The following HMMR variants were observed in gnomAD, a reference collection of about 807,000 sequenced individuals.
HMMR encodes the protein intracellular hyaluronic acid-binding protein.
In HMMR, 108 loss-of-function variants were observed where a neutral mutation model predicts 101.0. The ratio of observed to expected loss-of-function variants is 1.07; its 90% CI spans 0.92 to 1.25. The LOEUF is 1.25. HMMR is among the 50% of genes most tolerant of loss of function. The probability of loss-of-function intolerance (pLI) is 0.00; values close to 1 mark genes in which losing one functional copy is unlikely to be tolerated. For missense variants in HMMR, 813 were observed against 788.7 expected, an observed-to-expected ratio of 1.03 and a Z score of -0.37; for synonymous variants, 296 against 276.4, an observed-to-expected ratio of 1.07 and a Z score of -0.70.
chr5:163,485,083 A>G (rs1759429836), intron 16 of HMMR, among the ~76,000 whole-genome samples: 1 of 152,150 alleles, frequency 6.6e-6, no homozygotes, highest in Admixed American at 6.5e-5. Context: ...TTCATGTACA[A>G]GTTTTTGTAT....
At position 163,484,253 on chromosome 5, in the gene HMMR, A is replaced by G. The variant is rs1223113909; in HGVS notation, c.1962+8A>G. 6.6e-7 allele frequency: 1 copy of G among 1,521,148 alleles called. No homozygotes were observed. The highest frequency in any genetic ancestry group is 1.2e-5 in the South Asian group (1 of 84,334). The allele number at this position is 1,521,148 out of a possible 1,614,324, so 94.2% of individuals were successfully genotyped here. A position where few individuals can be genotyped will look rare whatever the true frequency, so the allele number is the denominator to read the frequency against. ...AATAGCCAACTCAAATCGGTTTGTA[A>G]AATGACTTTTCATTTTATTAAAGAT... On this transcript the variant is annotated splice_region_variant and intron_variant, in intron 16 of 17. Transcript: ENST00000393915.
Position 163,491,162 on chromosome 5 carries a change from T to C in HMMR, c.2176T>C (p.Ter726GlnextTer29), listed in dbSNP as rs1245334694. Reference sequence around the variant, plus strand: ...TATGGAGTGTCAAGAATCATGGAAGTAAACATCTGAGAAACCTGTTGAAGA... The same window carrying C: ...TATGGAGTGTCAAGAATCATGGAAGCAAACATCTGAGAAACCTGTTGAAGA... ...APMECQESWK[*>Q] Residue 726 changes from the stop codon to glutamine (Q), a stop_lost, in exon 18 of 18, where the codon TAA (stop) becomes CAA (glutamine). Transcript: ENST00000393915. 6.5e-7 allele frequency: 1 copy of C among 1,535,716 alleles called. No individual in the cohort carries two copies. The highest frequency in any genetic ancestry group is 1.2e-5 in the South Asian group (1 of 83,980).
intron 1 of HMMR, among the ~76,000 whole-genome samples, chr5:163,462,614 G>A (rs1037615693): frequency 2.0e-5 from 3 of 151,984 alleles, no homozygotes; most frequent in African/African-American, 7.2e-5. Flanking sequence ...ATCAGCTGAG[G>A]TCAGGAGTTC....
rs1759708873 is a variant in HMMR at position 163,491,904 on chromosome 5, A to G, written c.*740A>G. The G allele has an allele frequency of 6.6e-6, 1 of 152,230 alleles. No homozygotes were observed. The highest frequency in any genetic ancestry group is 2.4e-5 in the African/African-American group (1 of 41,466). 9.4% of individuals were successfully genotyped at this position (152,230 alleles called of 1,614,324 possible). ...CTCAGCATTTGATTAACATTTGTGT[A>G]ATATGAAATAAAATTACACAGTAAG... On this transcript the variant is annotated 3_prime_UTR_variant, in exon 18 of 18. Coordinates refer to ENST00000393915, the MANE Select transcript of HMMR (RefSeq NM_001142556.2).
In HMMR at chr5:163,471,359, G is replaced by A. The variant is rs1480281021; in HGVS notation, c.550-4G>A. 1.9e-6 allele frequency: 3 copies of A among 1,613,652 alleles called. No homozygotes were observed. The highest frequency in any genetic ancestry group is 1.1e-5 in the South Asian group (1 of 91,062). ...TTCCTAAAACAGGTATCTTTGTTGTGTAGGGTATGATGGCTAAGCAAGAAG... is the reference window on the plus strand; with the variant it reads ...TTCCTAAAACAGGTATCTTTGTTGTATAGGGTATGATGGCTAAGCAAGAAG... On this transcript the variant is annotated splice_polypyrimidine_tract_variant and splice_region_variant and intron_variant, in intron 6 of 17. Coordinates refer to ENST00000393915, the MANE Select transcript of HMMR (RefSeq NM_001142556.2).
chr5:163,461,580 G>T lies in HMMR; in HGVS notation c.46+842G>T, dbSNP rs1393341656. On this transcript the variant is annotated intron_variant, in intron 1 of 17. Transcript: ENST00000393915. The stretch of plus-strand genomic sequence containing the variant: ...GAGGCCGAGGCAGGTGGATCACGAG[G>T]TCAGGAGATCGAGACCACCGTGAAA... 4.0e-5 allele frequency among the ~76,000 whole-genome samples: 6 copies of T among 151,810 alleles called. No individual in the cohort carries two copies. In the East Asian group the frequency reaches 1.2e-3, roughly 29 times the overall value.
rs980918048 is a variant in HMMR at position 163,475,439 on chromosome 5, G to A, written c.1054-19G>A. On this transcript the variant is annotated intron_variant, in intron 10 of 17. Coordinates refer to ENST00000393915, the MANE Select transcript of HMMR (RefSeq NM_001142556.2). ...AATGCCATTCCAAATTATTTTGGTG[G>A]TTTTCTGTTTGGATATAGGAATTAT... 7 of 1,456,852 alleles carry A rather than the reference G, an allele frequency of 4.8e-6. No individual in the cohort carries two copies. The Admixed American group carries it at 6.0e-5, about 13-fold the overall frequency. The allele number at this position is 1,456,852 out of a possible 1,614,324, so 90.2% of individuals were successfully genotyped here. A position where few individuals can be genotyped will look rare whatever the true frequency, so the allele number is the denominator to read the frequency against.
At chr5:163,488,571 A>G (rs1286988348) in intron 16 of HMMR, among the ~76,000 whole-genome samples, 1 of 152,156 alleles carries the variant, frequency 6.6e-6, no homozygotes, top group African/African-American at 2.4e-5. Context: ...CCAGACCCCA[A>G]CAGTATTGTG....
In HMMR at chr5:163,491,219, G is replaced by T; in HGVS notation, c.*55G>T. ...CATTCGTCTTGTTGTTATTGATGTT[G>T]CTGTTATTATATTTGACATGGGTAT... On this transcript the variant is annotated 3_prime_UTR_variant, in exon 18 of 18. Transcript: ENST00000393915. 1.0e-6 allele frequency: 1 copy of T among 984,504 alleles called. No individual in the cohort carries two copies. The highest frequency in any genetic ancestry group is 1.5e-6 in the Non-Finnish European group (1 of 653,892). 61.0% of individuals were successfully genotyped at this position (984,504 alleles called of 1,614,324 possible).
chr5:163,478,562 A>G, intron 11 of HMMR, 122 bp from the exon 12 acceptor site: 1 of 654,544 alleles, frequency 1.5e-6, no homozygotes, highest in Non-Finnish European at 2.8e-6. Context: ...GCTATTTAGC[A>G]GGTAATGCAG....
chr5:163,468,577 A>G (rs1758772450), intron 4 of HMMR, among the ~76,000 whole-genome samples: 1 of 152,184 alleles, frequency 6.6e-6, no homozygotes. Context: ...AACCAAGAGT[A>G]TGTCAGAGTA....
Position 163,461,688 on chromosome 5 carries a change from C to A in HMMR, c.46+950C>A, listed in dbSNP as rs1226387620. Among the ~76,000 whole-genome samples, 6 of 151,846 alleles carry A rather than the reference C, an allele frequency of 4.0e-5. No individual in the cohort carries two copies. The East Asian group carries it at 1.2e-3, about 29-fold the overall frequency. ...AGTCCCAGCTGACTACAGGCTGAGG[C>A]AGGAGAATGGCGTGAACCCGGGAGG... On this transcript the variant is annotated intron_variant, in intron 1 of 17. Transcript: ENST00000393915.
At chr5:163,470,403 C>T (rs1223624139) in intron 5 of HMMR, among the ~76,000 whole-genome samples, 1 of 152,130 alleles carries the variant, frequency 6.6e-6, no homozygotes, top group African/African-American at 2.4e-5. Flanking sequence ...GGATGGATCA[C>T]TTGAGGTCAG....
chr5:163,466,882 T>C (rs1376108842), intron 3 of HMMR, among the ~76,000 whole-genome samples: 1 of 152,198 alleles, frequency 6.6e-6, no homozygotes, highest in African/African-American at 2.4e-5. Flanking sequence ...TTATAGACAC[T>C]CTTTTCTTAG....
rs113250539 is a variant in HMMR, at chr5:163,482,842, G to A, written c.1532+54G>A. On this transcript the variant is annotated intron_variant, in intron 13 of 17. Transcript: ENST00000393915. ...CCATTAAGACAATTTAATGTTGAAA[G>A]CCAGCTAGTAACTGTCCCTTGGCTT... The A allele has an allele frequency of 2.6e-6, 4 of 1,521,294 alleles. No homozygotes were observed. The African/African-American group carries it at 5.5e-5, about 21-fold the overall frequency. The allele number at this position is 1,521,294 out of a possible 1,614,324, so 94.2% of individuals were successfully genotyped here. A position where few individuals can be genotyped will look rare whatever the true frequency, so the allele number is the denominator to read the frequency against.
At chr5:163,482,581 G>A (rs2113504386) in intron 12 of HMMR, 61 bp from the exon 13 acceptor site, 2 of 1,227,162 alleles carry the variant, frequency 1.6e-6, no homozygotes, top group East Asian at 2.3e-5. Context: ...AAACTAATCA[G>A]TTATGATTGT....
Position 163,475,677 on chromosome 5 carries a change from G to A in HMMR, c.1268+5G>A. 6.7e-7 allele frequency: 1 copy of A among 1,498,120 alleles called. No homozygotes were observed. Among genetic ancestry groups the A allele is most frequent in the South Asian group, 1.2e-5 (1 of 85,864 alleles). The allele number at this position is 1,498,120 out of a possible 1,614,324, so 92.8% of individuals were successfully genotyped here. On this transcript the variant is annotated splice_donor_5th_base_variant and intron_variant, in intron 11 of 17. Coordinates refer to ENST00000393915, the MANE Select transcript of HMMR (RefSeq NM_001142556.2). ...CCTAGAAGAAAAGCTGAAAGGGTTTGTATTAATAGGATCTCATGTTTATGT... is the reference window on the plus strand; with the variant it reads ...CCTAGAAGAAAAGCTGAAAGGGTTTATATTAATAGGATCTCATGTTTATGT...
rs771450416 is a variant in HMMR, at chr5:163,469,749, A to G, written c.382A>G (p.Thr128Ala). 1.2e-6 allele frequency: 2 copies of G among 1,613,112 alleles called. No individual in the cohort carries two copies. The highest frequency in any genetic ancestry group is 2.2e-5 in the South Asian group (2 of 91,052). Residue 128 changes from threonine (T) to alanine (A), a missense_variant, in exon 5 of 18, where the codon ACA (threonine) becomes GCA (alanine). Coordinates refer to ENST00000393915, the MANE Select transcript of HMMR (RefSeq NM_001142556.2). Reference protein sequence around the residue: ...ARLNAALREKTSLSANNATLE... With the variant: ...ARLNAALREKASLSANNATLE... ...GCTAAATGCTGCACTAAGGGAAAAA[A>G]CATCTCTCTCTGCAAATAATGCTAC...
intron 3 of HMMR, among the ~76,000 whole-genome samples, chr5:163,465,789 A>G (rs533897945): frequency 4.4e-4 from 67 of 151,508 alleles, no homozygotes; most frequent in African/African-American, 1.6e-3. Flanking sequence ...GTCAAACCCC[A>G]TCTCTACTAA....
Sources: allele counts gnomAD v4.1 joint callset (sites outside exome capture counted in the v4.1 genomes callset), GRCh38; gene constraint gnomAD v4.1.1; transcripts MANE v1.5; gene names NCBI Gene and HGNC (gene_info 2026-07-23, HGNC 2026-07-21).